MX2: variants seen among roughly 807,000 people sequenced by gnomAD.
MX2 encodes the protein interferon-induced GTP-binding protein Mx2.
MX2 carries 51 observed loss-of-function variants against 74.0 expected under a neutral mutation model. That is an observed-to-expected ratio of 0.69 (90% CI 0.55 to 0.87). The LOEUF (loss-of-function observed/expected upper bound fraction) is 0.87. Ranked by LOEUF, MX2 falls within the 40% of genes least tolerant of loss-of-function variation. The pLI is 0.00. For synonymous variants in MX2, 369 were observed against 339.3 expected, an observed-to-expected ratio of 1.09 and a Z score of -0.96; for missense variants, 832 against 908.7, an observed-to-expected ratio of 0.92 and a Z score of 1.09.
intron 9 of MX2, 43 bp downstream of exon 9, chr21:41,399,062 C>G: frequency 2.5e-6 from 4 of 1,599,342 alleles, no homozygotes; most frequent in Non-Finnish European, 3.4e-6. Flanking sequence ...GCATCCTTCC[C>G]TGGTGGCCCT....
intron 1 of MX2, among the ~76,000 whole-genome samples, 154 bp downstream of exon 1, chr21:41,362,209 G>C (rs556467842): frequency 6.6e-6 from 1 of 152,096 alleles, no homozygotes; most frequent in East Asian, 1.9e-4. Context: ...CTGGTGTGAG[G>C]AGCAGAAAGG....
intron 10 of MX2, 81 bp downstream of exon 10, chr21:41,399,418 G>T: frequency 1.4e-6 from 2 of 1,451,088 alleles, no homozygotes; most frequent in Non-Finnish European, 9.4e-7. Flanking sequence ...TGATAAGTGT[G>T]CCAAGAGTGG....
chr21:41,394,506 G>A (rs536469398), intron 6 of MX2, among the ~76,000 whole-genome samples: 3 of 152,254 alleles, frequency 2.0e-5, no homozygotes, highest in Admixed American at 6.5e-5. Flanking sequence ...GTCACTTTAT[G>A]TTAATTCTCT....
In MX2 at chr21:41,408,581, C is replaced by T. The variant is rs1056647826; in HGVS notation, c.*348C>T. ...GACCCCAGAGGGGGAAGGTCTGGGT[C>T]AAATTCTTCTTTTGTATGTCCAGTC... On this transcript the variant is annotated 3_prime_UTR_variant, in exon 14 of 14. Transcript: ENST00000330714. The T allele has an allele frequency of 8.0e-6, 2 of 248,682 alleles. No homozygotes were observed. Among genetic ancestry groups the T allele is most frequent in the African/African-American group, 4.5e-5 (2 of 44,634 alleles). The allele number at this position is 248,682 out of a possible 1,614,324, so 15.4% of individuals were successfully genotyped here.
intron 13 of MX2, among the ~76,000 whole-genome samples, chr21:41,407,229 G>A (rs982449287): frequency 6.6e-6 from 1 of 152,170 alleles, no homozygotes; most frequent in African/African-American, 2.4e-5. Flanking sequence ...TAAAGTGGTA[G>A]AGCGTGTACT....
intron 11 of MX2, 146 bp from the exon 12 acceptor site, chr21:41,403,121 C>A (rs961533028): frequency 3.2e-6 from 2 of 628,564 alleles, no homozygotes; most frequent in South Asian, 3.7e-5. Context: ...CCTCTCCTAT[C>A]GCGGTTTGCA....
rs747082869 is a variant in MX2, at chr21:41,382,478, C to G, written c.646C>G (p.Pro216Ala). ...GCTCATCAGCCTGGAGATCACCTCC[C>G]CTGAGGTTCCAGACCTGACCATCAT... Reference protein sequence around the residue: ...HELISLEITSPEVPDLTIIDL... With the variant: ...HELISLEITSAEVPDLTIIDL... The change falls in exon 5 of 14, where the codon CCT (proline) becomes GCT (alanine). Residue 216 changes from proline (P) to alanine (A), a missense_variant. Coordinates refer to ENST00000330714, the MANE Select transcript of MX2 (RefSeq NM_002463.2). 2.5e-6 allele frequency: 4 copies of G among 1,614,232 alleles called. No individual in the cohort carries two copies. Among genetic ancestry groups the G allele is most frequent in the Non-Finnish European group, 3.4e-6 (4 of 1,180,060 alleles).
At position 41,362,750 on chromosome 21, in the gene MX2, C is replaced by CTTTTTT. The variant is rs56903696; in HGVS notation, c.-72+716_-72+721dup. ...GGTATTGATGACGCAGTTTTTTTTTCTTTTTTTTTTTTTTTTTTTTTTTTT... is the reference window on the plus strand; with the variant it reads ...GGTATTGATGACGCAGTTTTTTTTTCTTTTTTTTTTTTTTTTTTTTTTTTTTTTTTT... On this transcript the variant is annotated intron_variant, in intron 1 of 13. Transcript: ENST00000330714. Among the ~76,000 whole-genome samples, 9 of 82,154 alleles carry CTTTTTT rather than the reference C, an allele frequency of 1.1e-4. 1 individual carries two copies. Among genetic ancestry groups the CTTTTTT allele is most frequent in the African/African-American group, 2.0e-4 (4 of 20,252 alleles). 53.9% of individuals were successfully genotyped at this position (82,154 alleles called of 152,430 possible).
chr21:41,387,697 G>A (rs1487136169), intron 5 of MX2, among the ~76,000 whole-genome samples: 1 of 152,096 alleles, frequency 6.6e-6, no homozygotes, highest in African/African-American at 2.4e-5. Flanking sequence ...CCACTTCAGC[G>A]ATTCCTAAAT....
chr21:41,401,882 G>T (rs925569048), intron 10 of MX2, 88 bp from the exon 11 acceptor site: 1 of 1,440,150 alleles, frequency 6.9e-7, no homozygotes, highest in Non-Finnish European at 9.4e-7. Flanking sequence ...GCGTACAGTG[G>T]GGAGCAAGAC....
At chr21:41,381,574 A>G (rs1601406229) in intron 4 of MX2, among the ~76,000 whole-genome samples, 2 of 151,518 alleles carry the variant, frequency 1.3e-5, no homozygotes, top group Admixed American at 1.3e-4. Context: ...AGTCCCAGCT[A>G]CTTAGGAGGC....
chr21:41,377,134 C>T lies in MX2; in HGVS notation c.228C>T (p.Asn76=). The T allele has an allele frequency of 6.2e-7, 1 of 1,614,172 alleles. No homozygotes were observed. The highest frequency in any genetic ancestry group is 1.7e-5 in the Admixed American group (1 of 60,026). ...LTLNNQPPPG[N]RSQPRAMGPE... ...TGAACAATCAGCCACCACCAGGAAA[C>T]AGGAGCCAACCAAGGGCAATGGTAA... The change falls in exon 2 of 14, where the codon AAC becomes AAT. Residue 76 remains asparagine, a synonymous_variant. Coordinates refer to ENST00000330714, the MANE Select transcript of MX2 (RefSeq NM_002463.2).
chr21:41,403,275 C>G lies in MX2; in HGVS notation c.1582C>G (p.Gln528Glu). Residue 528 changes from glutamine to glutamate, a missense_variant, in exon 12 of 14, where the codon CAG becomes GAG. By Grantham distance (29) the Gln-to-Glu change is conservative. Coordinates refer to ENST00000330714, the MANE Select transcript of MX2 (RefSeq NM_002463.2). Reference protein sequence around the residue: ...SMLQKAMEIIQQAFINVAKKH... With the variant: ...SMLQKAMEIIEQAFINVAKKH... ...TTGCTTTTTTTGGTCAGAAATTATCCAGCAAGCTTTCATTAACGTGGCCAA... is the reference window on the plus strand; with the variant it reads ...TTGCTTTTTTTGGTCAGAAATTATCGAGCAAGCTTTCATTAACGTGGCCAA... 1 of 1,612,496 alleles carries G rather than the reference C, an allele frequency of 6.2e-7. No individual in the cohort carries two copies. Among genetic ancestry groups the G allele is most frequent in the African/African-American group, 1.3e-5 (1 of 74,916 alleles).
chr21:41,384,916 T>A (rs2089549512), intron 5 of MX2, among the ~76,000 whole-genome samples: 1 of 152,208 alleles, frequency 6.6e-6, no homozygotes, highest in African/African-American at 2.4e-5. Flanking sequence ...TCTTTAATTC[T>A]TGCTTAAATC....
intron 4 of MX2, 144 bp from the exon 5 acceptor site, chr21:41,382,266 G>A (rs976871570): frequency 9.4e-7 from 1 of 1,058,896 alleles, no homozygotes; most frequent in Non-Finnish European, 1.3e-6. Flanking sequence ...TCCCTCTGCA[G>A]GCTTCTCTGA....
In MX2 at chr21:41,403,249, T is replaced by TATG; in HGVS notation, c.1574-18_1574-17insATG. On this transcript the variant is annotated splice_polypyrimidine_tract_variant and intron_variant, in intron 11 of 13. Transcript: ENST00000330714. The stretch of plus-strand genomic sequence containing the variant: ...CTGATGTTTTCTTCTTCTTCTCCTT[T>TATG]TTGCTTTTTTTGGTCAGAAATTATC... 6.6e-7 allele frequency: 1 copy of TATG among 1,505,042 alleles called. No homozygotes were observed. The highest frequency in any genetic ancestry group is 1.7e-5 in the African/African-American group (1 of 59,670). 93.2% of individuals were successfully genotyped at this position (1,505,042 alleles called of 1,614,324 possible). A position where few individuals can be genotyped will look rare whatever the true frequency, so the allele number is the denominator to read the frequency against.
intron 6 of MX2, among the ~76,000 whole-genome samples, chr21:41,393,731 G>A (rs2089695326): frequency 6.6e-6 from 1 of 152,058 alleles, no homozygotes; most frequent in South Asian, 2.1e-4. Flanking sequence ...TCCCAAATCT[G>A]TATCTCTAAC....
intron 12 of MX2, 139 bp downstream of exon 12, chr21:41,403,482 G>A: frequency 1.2e-6 from 1 of 817,018 alleles, no homozygotes; most frequent in Non-Finnish European, 2.1e-6. Flanking sequence ...GGGCTGGCGG[G>A]GCTGGTGGAG....
chr21:41,390,486 T>A, intron 5 of MX2, 79 bp from the exon 6 acceptor site: 2 of 1,572,662 alleles, frequency 1.3e-6, no homozygotes, highest in East Asian at 2.3e-5. Flanking sequence ...TGCGCCATCA[T>A]GCCTGCCTGC....
Sources: gnomAD v4.1 joint callset for allele counts (sites outside exome capture counted in the v4.1 genomes callset) on GRCh38, gnomAD v4.1.1 for gene constraint, MANE v1.5 for transcripts, NCBI Gene and HGNC (gene_info 2026-07-23, HGNC 2026-07-21) for gene names.